MAGI2: variants seen among roughly 807,000 people sequenced by gnomAD.
MAGI2 encodes membrane-associated guanylate kinase, WW and PDZ domain-containing protein 2.
A neutral mutation model predicts 133.3 loss-of-function variants in MAGI2; 35 were observed. That is an observed-to-expected ratio of 0.26 (90% confidence interval 0.20 to 0.35). The LOEUF is 0.35. Ranked by LOEUF, MAGI2 falls within the 10% of genes least tolerant of loss-of-function variation. The probability of loss-of-function intolerance (pLI) is 1.00; values close to 1 mark genes in which losing one functional copy is unlikely to be tolerated. For synonymous variants in MAGI2, 729 were observed against 710.6 expected (o/e 1.03, Z -0.41); for missense variants, 1,636 against 1,863.4 (o/e 0.88, Z 2.25).
At chr7:78,073,638 C>T (rs775545717) in intron 21 of MAGI2, among the ~76,000 whole-genome samples, 22 of 152,200 alleles carry the variant, frequency 1.4e-4, no homozygotes, top group Non-Finnish European at 2.5e-4. Flanking sequence ...TTTCATCCAG[C>T]GGCACCTCTA....
At chr7:79,106,634 C>T (rs566345881) in intron 1 of MAGI2, among the ~76,000 whole-genome samples, 13 of 152,238 alleles carry the variant, frequency 8.5e-5, no homozygotes, top group African/African-American at 3.1e-4. Flanking sequence ...TGAAACAATT[C>T]TAAACTTAGT....
In MAGI2 at chr7:79,209,669, C is replaced by T. The variant is rs192884546; in HGVS notation, c.302-202463G>A. Among the ~76,000 whole-genome samples the T allele has an allele frequency of 2.5e-3, 381 of 152,166 alleles. 6 individuals carry two copies. The highest frequency in any genetic ancestry group is 9.0e-3 in the African/African-American group (372 of 41,456). ...GCTTTATTCCCCAGTGACCCTCACA[C>T]TCTCCTCCAGGACAATTAATCACTC... On this transcript the variant is annotated intron_variant, in intron 1 of 21. Coordinates refer to ENST00000354212, the MANE Select transcript of MAGI2 (RefSeq NM_012301.4).
chr7:78,364,572 C>A (rs1384129105), intron 7 of MAGI2, among the ~76,000 whole-genome samples: 1 of 152,198 alleles, frequency 6.6e-6, no homozygotes, highest in African/African-American at 2.4e-5. Flanking sequence ...GAAAATCACA[C>A]CTGCCAGTCT....
intron 13 of MAGI2, among the ~76,000 whole-genome samples, chr7:78,179,295 G>A (rs1826960386): frequency 6.6e-6 from 1 of 152,188 alleles, no homozygotes; most frequent in East Asian, 1.9e-4. Context: ...ATTCTCATGG[G>A]ACAAAAATCT....
At chr7:79,073,923 T>C (rs1406465281) in intron 1 of MAGI2, among the ~76,000 whole-genome samples, 1 of 152,052 alleles carries the variant, frequency 6.6e-6, no homozygotes, top group African/African-American at 2.4e-5. Flanking sequence ...CTTATTAATC[T>C]TTTTGATGTC....
chr7:78,559,443 T>C (rs933423543), intron 3 of MAGI2, among the ~76,000 whole-genome samples: 1 of 152,162 alleles, frequency 6.6e-6, no homozygotes, highest in African/African-American at 2.4e-5. Context: ...TAGTTTGTTA[T>C]AAGCAATGGT....
intron 12 of MAGI2, among the ~76,000 whole-genome samples, chr7:78,185,999 A>G (rs900455817): frequency 2.0e-5 from 3 of 152,206 alleles, no homozygotes; most frequent in Non-Finnish European, 2.9e-5. Context: ...AAGTCAATCT[A>G]GAACCTGAAA....
chr7:78,429,298 C>T (rs1489832709), intron 6 of MAGI2, among the ~76,000 whole-genome samples: 1 of 151,992 alleles, frequency 6.6e-6, no homozygotes, highest in Non-Finnish European at 1.5e-5. Flanking sequence ...CTATGCTTGA[C>T]AGATTTTTCT....
At chr7:78,154,965 C>G (rs1824247976) in intron 16 of MAGI2, among the ~76,000 whole-genome samples, 1 of 152,156 alleles carries the variant, frequency 6.6e-6, no homozygotes, top group African/African-American at 2.4e-5. Flanking sequence ...TCTTCTCTAA[C>G]CTGTGCATGC....
chr7:78,314,418 G>C (rs1199670439), intron 9 of MAGI2, among the ~76,000 whole-genome samples: 1 of 152,108 alleles, frequency 6.6e-6, no homozygotes, highest in East Asian at 1.9e-4. Flanking sequence ...ATTTGCTGAG[G>C]AATTATCATG....
At chr7:78,627,532 G>T (rs1808498890) in intron 2 of MAGI2, among the ~76,000 whole-genome samples, 2 of 152,136 alleles carry the variant, frequency 1.3e-5, no homozygotes, top group African/African-American at 4.8e-5. Flanking sequence ...TTTTTGAAGA[G>T]GTGGTTTGGA....
intron 6 of MAGI2, among the ~76,000 whole-genome samples, chr7:78,424,060 A>C (rs1345654057): frequency 2.0e-5 from 3 of 152,322 alleles, no homozygotes; most frequent in Middle Eastern, 3.4e-3. Flanking sequence ...TCTCCAGGGC[A>C]TGTCAGAGGT....
Position 79,211,540 on chromosome 7 carries a change from C to A in MAGI2, c.302-204334G>T, listed in dbSNP as rs577338234. The stretch of plus-strand genomic sequence containing the variant: ...AACTCCTGGGCTCAAGCAATCCTCT[C>A]ACCTTGGCCTCCCAAAGTGCTGAGA... On this transcript the variant is annotated intron_variant, in intron 1 of 21. Coordinates refer to ENST00000354212, the MANE Select transcript of MAGI2 (RefSeq NM_012301.4). Among the ~76,000 whole-genome samples, 47 of 151,780 alleles carry A rather than the reference C, an allele frequency of 3.1e-4. 1 individual carries two copies. Among genetic ancestry groups the A allele is most frequent in the African/African-American group, 1.0e-3 (42 of 41,256 alleles).
intron 1 of MAGI2, among the ~76,000 whole-genome samples, chr7:79,234,071 T>C (rs1831640768): frequency 7.0e-6 from 1 of 141,982 alleles, no homozygotes. Context: ...TTTGGCTGGA[T>C]ATGAAATTCT....
chr7:79,006,307 C>T (rs1188870859), intron 2 of MAGI2, among the ~76,000 whole-genome samples: 2 of 152,152 alleles, frequency 1.3e-5, no homozygotes, highest in Admixed American at 1.3e-4. Context: ...CACACAACAT[C>T]CACAGCCCAG....
chr7:79,313,439 C>G (rs1241054411), intron 1 of MAGI2, among the ~76,000 whole-genome samples: 9 of 151,952 alleles, frequency 5.9e-5, no homozygotes, highest in Non-Finnish European at 1.2e-4. Flanking sequence ...TCCCTCCCGC[C>G]CTTCTTCCTC....
intron 2 of MAGI2, among the ~76,000 whole-genome samples, chr7:78,644,334 T>C (rs1215929845): frequency 6.6e-6 from 1 of 152,098 alleles, no homozygotes; most frequent in East Asian, 1.9e-4. Context: ...CTAATTGACA[T>C]TTATAGAACA....
At chr7:79,067,453 T>G (rs1814469687) in intron 1 of MAGI2, among the ~76,000 whole-genome samples, 2 of 152,218 alleles carry the variant, frequency 1.3e-5, no homozygotes, top group Admixed American at 1.3e-4. Flanking sequence ...CACATTGATT[T>G]TGTATCCCGA....
At chr7:78,543,268 C>A (rs941009542) in intron 3 of MAGI2, among the ~76,000 whole-genome samples, 5 of 152,140 alleles carry the variant, frequency 3.3e-5, no homozygotes, top group Non-Finnish European at 5.9e-5. Flanking sequence ...AATGAATAAG[C>A]TTTGATAGTT....
Sources: gnomAD v4.1 joint callset for allele counts (sites outside exome capture counted in the v4.1 genomes callset) on GRCh38, gnomAD v4.1.1 for gene constraint, MANE v1.5 for transcripts, NCBI Gene and HGNC (gene_info 2026-07-23, HGNC 2026-07-21) for gene names.